ANK2: variants seen among roughly 807,000 people sequenced by gnomAD.
The protein encoded by ANK2 is ankyrin 2, also known as ankyrin-2.
Under a neutral mutation model 360.5 loss-of-function variants are expected in ANK2, and 83 were observed. The observed-to-expected ratio is 0.23, with a 90% confidence interval of 0.19 to 0.28. The LOEUF (loss-of-function observed/expected upper bound fraction) is 0.28, where lower values mean the gene tolerates loss of function less well. Ranked by LOEUF, ANK2 falls within the 10% of genes least tolerant of loss-of-function variation. The pLI, the probability that ANK2 is intolerant of heterozygous loss-of-function variation, is 1.00. For synonymous variants in ANK2, 1,740 were observed against 1,759.5 expected, an observed-to-expected ratio of 0.99 and a Z score of 0.28; for missense variants, 4,201 against 4,795.7, an observed-to-expected ratio of 0.88 and a Z score of 3.66.
intron 1 of ANK2, among the ~76,000 whole-genome samples, chr4:113,126,846 A>G (rs1302762767): frequency 6.6e-6 from 1 of 152,244 alleles, no homozygotes. Flanking sequence ...ACCAAAATAT[A>G]AAATAAGACT....
In ANK2 at chr4:113,237,469, G is replaced by GCAT. The variant is rs1402253638; in HGVS notation, c.670-130_670-129insCAT. The GCAT allele has an allele frequency of 1.6e-5, 15 of 922,304 alleles. No individual in the cohort carries two copies. The Admixed American group carries it at 2.6e-4, about 16-fold the overall frequency. 57.1% of individuals were successfully genotyped at this position (922,304 alleles called of 1,614,324 possible). On this transcript the variant is annotated intron_variant, in intron 6 of 45. Transcript: ENST00000357077. ...ATTGTATTGTGTGGTGCTTGGGGAT[G>GCAT]TCTTCTTCCAGTAGAATGCATTTTG...
At chr4:113,369,320 A>G (rs1411036508) in intron 42 of ANK2, among the ~76,000 whole-genome samples, 194 bp from the exon 43 acceptor site, 1 of 152,262 alleles carries the variant, frequency 6.6e-6, no homozygotes, top group Non-Finnish European at 1.5e-5. Flanking sequence ...CCAGTGCTAG[A>G]TCAATGAGCT....
chr4:112,760,921 T>G, the ANK2 span, among the ~76,000 whole-genome samples: 1 of 151,260 alleles, frequency 6.6e-6, no homozygotes, highest in African/African-American at 2.4e-5. Context: ...ATTCTCCTGC[T>G]TCAGCCTCCC....
intron 4 of ANK2, 31 bp downstream of exon 4, chr4:113,199,140 T>C: frequency 6.6e-7 from 1 of 1,508,182 alleles, no homozygotes; most frequent in South Asian, 1.1e-5. Flanking sequence ...CTGATGTACA[T>C]ACATTTAAAT....
chr4:113,278,084 AC>A lies in ANK2; in HGVS notation c.1782+151del, dbSNP rs2060897730. The A allele has an allele frequency of 1.1e-5, 9 of 814,000 alleles. No individual in the cohort carries two copies. The East Asian group carries it at 2.5e-4, about 22-fold the overall frequency. The allele number at this position is 814,000 out of a possible 1,614,324, so 50.4% of individuals were successfully genotyped here. The stretch of plus-strand genomic sequence containing the variant: ...AGACATGGTGGCGATGTCTTCCATG[AC>A]CGTCCAGGTACATACACACTGATTC... On this transcript the variant is annotated intron_variant, in intron 16 of 45. Coordinates refer to ENST00000357077, the MANE Select transcript of ANK2 (RefSeq NM_001148.6).
At chr4:112,928,194 T>C (rs529722458) in intron 2 of ANK2, among the ~76,000 whole-genome samples, 2 of 152,294 alleles carry the variant, frequency 1.3e-5, no homozygotes, top group East Asian at 3.9e-4. Context: ...TACACTGGAC[T>C]TCACATTAAA....
intron 1 of ANK2, among the ~76,000 whole-genome samples, chr4:113,064,024 A>AT (rs1170715041): frequency 2.0e-4 from 30 of 152,064 alleles, no homozygotes; most frequent in African/African-American, 6.0e-4. Context: ...ATAAAAAGAC[A>AT]TTTTTTTGTT....
intron 9 of ANK2, among the ~76,000 whole-genome samples, chr4:113,248,376 A>C (rs538284560): frequency 1.3e-5 from 2 of 152,276 alleles, no homozygotes; most frequent in South Asian, 4.1e-4. Context: ...CCAGAACTTC[A>C]AAGGAGAGAA....
At chr4:113,374,826 A>G in intron 45 of ANK2, 1 of 1,258,372 alleles carries the variant, frequency 7.9e-7, no homozygotes, top group Non-Finnish European at 1.0e-6. Flanking sequence ...AGCCAGTGGA[A>G]GGCCGTAGAG....
intron 10 of ANK2, among the ~76,000 whole-genome samples, chr4:113,250,784 CT>C (rs1302632175): frequency 1.6e-5 from 2 of 122,108 alleles, no homozygotes. Flanking sequence ...TTGGTATCAA[CT>C]AATGCTATTA....
chr4:113,205,161 G>C (rs1359682963), intron 4 of ANK2, among the ~76,000 whole-genome samples: 2 of 147,854 alleles, frequency 1.4e-5, no homozygotes, highest in Admixed American at 1.4e-4. Context: ...GCGTGAACCC[G>C]GGAGGCGGAG....
chr4:113,098,276 T>A (rs2092038661), intron 1 of ANK2, among the ~76,000 whole-genome samples: 1 of 151,856 alleles, frequency 6.6e-6, no homozygotes, highest in South Asian at 2.1e-4. Flanking sequence ...AGCTGATTAT[T>A]TGAAAAGATA....
At chr4:113,290,215 T>C (rs1340139159) in intron 20 of ANK2, among the ~76,000 whole-genome samples, 1 of 151,982 alleles carries the variant, frequency 6.6e-6, no homozygotes, top group Non-Finnish European at 1.5e-5. Flanking sequence ...AGTGTTACAT[T>C]TGGAACCATA....
chr4:113,317,880 T>C, intron 25 of ANK2, 71 bp downstream of exon 25: 1 of 1,324,270 alleles, frequency 7.6e-7, no homozygotes, highest in Non-Finnish European at 1.1e-6. Flanking sequence ...GCTAGAAATG[T>C]CCTGAGAAAG....
intron 5 of ANK2, among the ~76,000 whole-genome samples, chr4:113,233,382 G>A (rs993060287): frequency 6.6e-6 from 1 of 151,380 alleles, no homozygotes; most frequent in Non-Finnish European, 1.5e-5. Flanking sequence ...TGATCCGCCC[G>A]CCTCGGCCTC....
chr4:113,366,115 G>A (rs1334763639), intron 41 of ANK2, among the ~76,000 whole-genome samples: 1 of 152,044 alleles, frequency 6.6e-6, no homozygotes, highest in African/African-American at 2.4e-5. Flanking sequence ...TGTCCCCCCT[G>A]TATTATTGCT....
chr4:112,871,823 T>C (rs1209491760), intron 1 of ANK2, among the ~76,000 whole-genome samples: 1 of 152,200 alleles, frequency 6.6e-6, no homozygotes, highest in Non-Finnish European at 1.5e-5. Flanking sequence ...TTAGATTTTG[T>C]TAAATATCTT....
chr4:113,339,837 TC>T (rs2094046307), intron 32 of ANK2, among the ~76,000 whole-genome samples: 1 of 152,226 alleles, frequency 6.6e-6, no homozygotes, highest in African/African-American at 2.4e-5. Context: ...TAAAGTTAGC[TC>T]CCATTCCTTT....
chr4:113,113,880 G>C (rs1217646151), intron 1 of ANK2, among the ~76,000 whole-genome samples: 3 of 152,090 alleles, frequency 2.0e-5, no homozygotes, highest in African/African-American at 7.2e-5. Context: ...TATACAAGAA[G>C]GAAAGATTTT....
Sources: gnomAD v4.1 joint callset for allele counts (sites outside exome capture counted in the v4.1 genomes callset) on GRCh38, gnomAD v4.1.1 for gene constraint, MANE v1.5 for transcripts, NCBI Gene and HGNC (gene_info 2026-07-23, HGNC 2026-07-21) for gene names.